Variants in MTRR observed in about 807,000 individuals in gnomAD.
The protein encoded by MTRR is 5-methyltetrahydrofolate-homocysteine methyltransferase reductase, also known as methionine synthase reductase.
A neutral mutation model predicts 79.2 loss-of-function variants in MTRR; 63 were observed. The observed-to-expected ratio is 0.80, with a 90% CI of 0.65 to 0.98. The LOEUF (loss-of-function observed/expected upper bound fraction) is 0.98, where lower values mean the gene tolerates loss of function less well. MTRR is among the 50% of genes least tolerant of loss of function. The pLI is 0.00. For missense variants in MTRR, 895 were observed against 839.6 expected (o/e 1.07, Z -0.82); for synonymous variants, 355 against 313.3 (o/e 1.13, Z -1.41).
upstream of MTRR, chr5:7,850,903 T>TC: frequency 2.9e-6 from 4 of 1,358,028 alleles, no homozygotes; most frequent in Non-Finnish European, 3.8e-6. Context: ...GTAGCTGTGC[T>TC]CTTTGGGGTC....
chr5:7,871,377 G>A (rs7725672), intron 2 of MTRR, among the ~76,000 whole-genome samples: 2,257 of 152,304 alleles, frequency 0.015, 29 homozygotes, highest in Non-Finnish European at 0.024. Flanking sequence ...AGTAGTGTAA[G>A]GATCTGGAAA....
intron 4 of MTRR, among the ~76,000 whole-genome samples, chr5:7,876,324 A>C (rs927405690): frequency 1.3e-5 from 2 of 152,038 alleles, no homozygotes; most frequent in African/African-American, 4.8e-5. Flanking sequence ...GTACCTTTAT[A>C]TTGAGCTTTT....
At chr5:7,873,232 A>G (rs1013818624) in intron 2 of MTRR, 141 bp from the exon 3 acceptor site, 108 of 981,486 alleles carry the variant, frequency 1.1e-4, no homozygotes, top group Non-Finnish European at 1.2e-4. Flanking sequence ...GCGCCTAGTC[A>G]CTGGACTGGT....
chr5:7,899,463 C>A (rs1324049119), intron 14 of MTRR, among the ~76,000 whole-genome samples: 1 of 152,182 alleles, frequency 6.6e-6, no homozygotes, highest in Non-Finnish European at 1.5e-5. Flanking sequence ...CATAGTAAGT[C>A]CTCAATAAAG....
At chr5:7,863,218 C>G (rs548991211) in intron 2 of MTRR, 1 of 511,122 alleles carries the variant, frequency 2.0e-6, no homozygotes, top group African/African-American at 2.0e-5. Context: ...TGTGTTTTTA[C>G]AGTAGTCACT....
chr5:7,888,543 T>C (rs1279310339), intron 8 of MTRR, among the ~76,000 whole-genome samples: 1 of 152,206 alleles, frequency 6.6e-6, no homozygotes, highest in Non-Finnish European at 1.5e-5. Context: ...TGTAATTTGT[T>C]AGTGTCCAGG....
upstream of MTRR, chr5:7,867,807 T>G (rs200439700): frequency 3.8e-5 from 61 of 1,614,100 alleles, no homozygotes; most frequent in Middle Eastern, 4.9e-4. Flanking sequence ...TTTTTAACAT[T>G]TTGTTCAAGC....
Position 7,878,218 on chromosome 5 carries a change from T to G in MTRR, c.676T>G (p.Ser226Ala). 1.9e-6 allele frequency: 3 copies of G among 1,614,168 alleles called. No homozygotes were observed. Among genetic ancestry groups the G allele is most frequent in the Non-Finnish European group, 2.5e-6 (3 of 1,180,038 alleles). ...QSNVVIEDFESSLTRSVPPLS... is the reference protein window; with the variant it reads ...QSNVVIEDFEASLTRSVPPLS... Reference sequence around the variant, plus strand: ...CAATGTTGTAATTGAAGACTTTGAGTCCTCACTTACCCGTTCGGTACCCCC... The same window carrying G: ...CAATGTTGTAATTGAAGACTTTGAGGCCTCACTTACCCGTTCGGTACCCCC... The change falls in exon 5 of 15, where the codon TCC (serine) becomes GCC (alanine). Residue 226 changes from serine to alanine, a missense_variant. Physicochemically the swap from Ser to Ala is moderately conservative, Grantham distance 99 (BLOSUM62 1). Coordinates refer to ENST00000440940, the MANE Select transcript of MTRR (RefSeq NM_002454.3).
chr5:7,851,790 C>T (rs965405408), intron 1 of MTRR, among the ~76,000 whole-genome samples: 1 of 152,078 alleles, frequency 6.6e-6, no homozygotes, highest in Non-Finnish European at 1.5e-5. Context: ...GATCTGAATG[C>T]TGGGTCAATA....
chr5:7,862,762 T>G, intron 2 of MTRR: 1 of 1,417,512 alleles, frequency 7.1e-7, no homozygotes, highest in East Asian at 2.3e-5. Flanking sequence ...AAGTCCCATA[T>G]ATCTCCAAAA....
intron 9 of MTRR, among the ~76,000 whole-genome samples, chr5:7,889,845 A>G (rs1294231260): frequency 2.0e-5 from 3 of 152,180 alleles, no homozygotes; most frequent in Non-Finnish European, 4.4e-5. Context: ...TGGTACTGCC[A>G]GGCAGAGAAC....
chr5:7,874,495 G>A (rs1370714732), intron 3 of MTRR, among the ~76,000 whole-genome samples: 1 of 151,204 alleles, frequency 6.6e-6, no homozygotes, highest in East Asian at 1.9e-4. Flanking sequence ...CCCACTGTTC[G>A]AGTCAATGTT....
chr5:7,854,623 A>G (rs1398651735), intron 1 of MTRR, among the ~76,000 whole-genome samples: 3 of 152,136 alleles, frequency 2.0e-5, no homozygotes, highest in Admixed American at 6.5e-5. Flanking sequence ...ATCAGATCTC[A>G]TGAGACTTAT....
At chr5:7,880,392 T>A (rs1486665789) in intron 5 of MTRR, among the ~76,000 whole-genome samples, 1 of 152,248 alleles carries the variant, frequency 6.6e-6, no homozygotes, top group African/African-American at 2.4e-5. Context: ...GCACTTTGAC[T>A]AAATCATTGT....
At chr5:7,859,319 G>A (rs775138318) in intron 1 of MTRR, 4 of 534,994 alleles carry the variant, frequency 7.5e-6, no homozygotes, top group South Asian at 3.5e-5. Flanking sequence ...GATGCTTTCA[G>A]ATCACCAGTC....
chr5:7,855,323 T>TA (rs927555460), intron 1 of MTRR, among the ~76,000 whole-genome samples: 1 of 143,696 alleles, frequency 7.0e-6, no homozygotes. Flanking sequence ...AATGATTAGA[T>TA]AAAAAAAGAA....
intron 1 of MTRR, among the ~76,000 whole-genome samples, chr5:7,857,995 T>C (rs1746302585): frequency 6.6e-6 from 1 of 152,194 alleles, no homozygotes; most frequent in Non-Finnish European, 1.5e-5. Flanking sequence ...TAACAGACCG[T>C]CATTACCTCT....
chr5:7,872,427 A>T, intron 2 of MTRR: 1 of 280,754 alleles, frequency 3.6e-6, no homozygotes, highest in South Asian at 3.4e-5. Flanking sequence ...GAGTTAAGAC[A>T]GTGAAATGCT....
At chr5:7,896,993 G>A in intron 13 of MTRR, 37 bp downstream of exon 13, 2 of 1,611,430 alleles carry the variant, frequency 1.2e-6, no homozygotes, top group Non-Finnish European at 1.7e-6. Context: ...CAACCACTGA[G>A]TGTACAATTC....
Sources: allele counts gnomAD v4.1 joint callset (sites outside exome capture counted in the v4.1 genomes callset), GRCh38; gene constraint gnomAD v4.1.1; transcripts MANE v1.5; gene names NCBI Gene and HGNC (gene_info 2026-07-23, HGNC 2026-07-21).